JAK2: variants seen among roughly 807,000 people sequenced by gnomAD.
JAK2 encodes the protein tyrosine-protein kinase JAK2.
JAK2 carries 86 observed loss-of-function variants against 139.3 expected under a neutral mutation model. The observed-to-expected ratio is 0.62, with a 90% confidence interval of 0.52 to 0.74. The LOEUF (loss-of-function observed/expected upper bound fraction) is 0.74, where lower values mean the gene tolerates loss of function less well. Ranked by LOEUF, JAK2 falls within the 30% of genes least tolerant of loss-of-function variation. JAK2 has a pLI of 0.00. For synonymous variants in JAK2, 490 were observed against 437.7 expected, an observed-to-expected ratio of 1.12 and a Z score of -1.49; for missense variants, 1,421 against 1,360.3, an observed-to-expected ratio of 1.04 and a Z score of -0.70.
chr9:5,059,576 T>G (rs1474260597), intron 8 of JAK2, among the ~76,000 whole-genome samples: 1 of 152,162 alleles, frequency 6.6e-6, no homozygotes, highest in Non-Finnish European at 1.5e-5. Context: ...TATATATATA[T>G]CCTAGAGATA....
In JAK2 at chr9:5,055,756, G is replaced by T; in HGVS notation, c.1024G>T (p.Val342Leu). The T allele has an allele frequency of 6.2e-7, 1 of 1,610,846 alleles. No individual in the cohort carries two copies. The highest frequency in any genetic ancestry group is 1.1e-5 in the South Asian group (1 of 90,864). Residue 342 changes from valine (V) to leucine (L), a missense_variant, in exon 8 of 25, where the codon GTA (valine) becomes TTA (leucine). Coordinates refer to ENST00000381652, the MANE Select transcript of JAK2 (RefSeq NM_004972.4). ...NQEGSNESRV[V>L]TIHKQDGKNL... ...AGAGGGTTCAAATGAAAGCCGAGTT[G>T]TAACTATCCATAAGCAAGATGGTAA...
chr9:5,041,374 G>A (rs977304679), intron 4 of JAK2: 7 of 626,346 alleles, frequency 1.1e-5, no homozygotes, highest in Middle Eastern at 5.7e-4. Flanking sequence ...ACATGCACCT[G>A]GGCAAGGAGC....
At chr9:5,123,216 A>C (rs972759720) in intron 23 of JAK2, 95 bp downstream of exon 23, 8 of 730,996 alleles carry the variant, frequency 1.1e-5, no homozygotes, top group African/African-American at 1.8e-5. Flanking sequence ...ACATGCATAC[A>C]TTGCATAGTG....
chr9:5,072,342 T>A, intron 12 of JAK2, 150 bp from the exon 13 acceptor site: 1 of 497,432 alleles, frequency 2.0e-6, no homozygotes, highest in Non-Finnish European at 3.6e-6. Flanking sequence ...AATAAAAGCA[T>A]TAATTTGGAG....
intron 22 of JAK2, chr9:5,098,196 C>A (rs889345061): frequency 2.0e-5 from 3 of 152,090 alleles, no homozygotes; most frequent in African/African-American, 7.2e-5. Flanking sequence ...TACATTAAAC[C>A]CTTAAATGAA....
rs534134629 is a variant in JAK2, at chr9:5,118,795, ATC to A, written c.3060-4207_3060-4206del. Among the ~76,000 whole-genome samples, 186 of 152,280 alleles carry A rather than the reference ATC, an allele frequency of 1.2e-3. 1 individual carries two copies. The highest frequency in any genetic ancestry group is 2.0e-3 in the Non-Finnish European group (136 of 67,990). ...GTACAGTAATATACCATTAAAAATT[ATC>A]TGTTATTGGGCAGTTTCATTTGATC... On this transcript the variant is annotated intron_variant, in intron 22 of 24. Transcript: ENST00000381652.
chr9:5,055,412 T>A (rs1264300271), intron 7 of JAK2, among the ~76,000 whole-genome samples: 3 of 152,028 alleles, frequency 2.0e-5, no homozygotes, highest in Non-Finnish European at 2.9e-5. Flanking sequence ...TTTCTACTAA[T>A]GTTAATTGAA....
At chr9:5,035,890 G>T (rs1586675698) in intron 4 of JAK2, among the ~76,000 whole-genome samples, 1 of 152,212 alleles carries the variant, frequency 6.6e-6, no homozygotes, top group Non-Finnish European at 1.5e-5. Flanking sequence ...GGGCAGTCAG[G>T]CTGGAGAAGG....
intron 19 of JAK2, chr9:5,084,901 T>G (rs1050157052): frequency 4.4e-6 from 2 of 451,282 alleles, no homozygotes; most frequent in African/African-American, 2.0e-5. Flanking sequence ...TTTAAAATGA[T>G]TTTTGGTTAT....
At chr9:5,081,442 C>T (rs1054257166) in intron 18 of JAK2, among the ~76,000 whole-genome samples, 1 of 152,118 alleles carries the variant, frequency 6.6e-6, no homozygotes, top group South Asian at 2.1e-4. Context: ...GTACTACTCA[C>T]CTTTCTCACA....
At chr9:5,115,310 A>G (rs1157766362) in intron 22 of JAK2, among the ~76,000 whole-genome samples, 5 of 152,212 alleles carry the variant, frequency 3.3e-5, no homozygotes, top group Non-Finnish European at 1.5e-5. Flanking sequence ...ATATGAAAAA[A>G]AGCTCATCAT....
chr9:4,988,344 T>C (rs1327751106), intron 2 of JAK2, among the ~76,000 whole-genome samples: 1 of 152,224 alleles, frequency 6.6e-6, no homozygotes, highest in Admixed American at 6.5e-5. Context: ...GTTGCTCCGA[T>C]AAAAAGCAAC....
rs776347825 is a variant in JAK2 at position 5,078,361 on chromosome 9, GAGA to G, written c.2055_2057del (p.Glu685del). 3 of 1,612,736 alleles carry G rather than the reference GAGA, an allele frequency of 1.9e-6. No individual in the cohort carries two copies. The highest frequency in any genetic ancestry group is 2.5e-6 in the Non-Finnish European group (3 of 1,178,992). Reference sequence around the variant, plus strand: ...TGTGCCAAAAATATTCTGCTTATCAGAGAAGAAGACAGGAAGACAGGAAATCCT... The same window carrying G: ...TGTGCCAAAAATATTCTGCTTATCAGAGAAGACAGGAAGACAGGAAATCCT... On this transcript the variant is annotated inframe_deletion, in exon 16 of 25. Coordinates refer to ENST00000381652, the MANE Select transcript of JAK2 (RefSeq NM_004972.4).
chr9:5,101,798 C>A (rs1423228951), intron 22 of JAK2, among the ~76,000 whole-genome samples: 3 of 152,184 alleles, frequency 2.0e-5, no homozygotes, highest in Non-Finnish European at 4.4e-5. Context: ...AAGAGACCTG[C>A]AGCTGAGGGA....
Position 5,080,205 on chromosome 9 carries a change from T to C in JAK2, c.2132-24T>C, listed in dbSNP as rs543666975. 16 of 1,571,918 alleles carry C rather than the reference T, an allele frequency of 1.0e-5. No individual in the cohort carries two copies. The East Asian group carries it at 2.9e-4, about 29-fold the overall frequency. ...GGTTTACTTGTGAATTATTTAACCC[T>C]ACTCTGTTCGTATCATTTAAAAGTT... On this transcript the variant is annotated intron_variant, in intron 16 of 24. Coordinates refer to ENST00000381652, the MANE Select transcript of JAK2 (RefSeq NM_004972.4).
chr9:5,100,482 A>C (rs1046152261), intron 22 of JAK2: 1 of 152,250 alleles, frequency 6.6e-6, no homozygotes, highest in Non-Finnish European at 1.5e-5. Context: ...CCAATATGGA[A>C]TAATTCTATT....
chr9:5,084,918 A>G (rs1209251118), intron 19 of JAK2: 2 of 527,868 alleles, frequency 3.8e-6, no homozygotes, highest in African/African-American at 1.9e-5. Flanking sequence ...TTATCTGCAC[A>G]TGAAGCAAAC....
intron 2 of JAK2, among the ~76,000 whole-genome samples, chr9:5,009,978 G>A (rs1414945795): frequency 1.3e-5 from 2 of 152,122 alleles, no homozygotes; most frequent in Non-Finnish European, 2.9e-5. Flanking sequence ...TCGCAATGTT[G>A]CCGGGGCTAG....
chr9:5,122,961 A>T, intron 22 of JAK2, 43 bp from the exon 23 acceptor site: 2 of 1,266,368 alleles, frequency 1.6e-6, no homozygotes, highest in African/African-American at 1.5e-5. Flanking sequence ...AAGAGTCCAC[A>T]TATCAAGTAA....
Sources: allele counts gnomAD v4.1 joint callset (sites outside exome capture counted in the v4.1 genomes callset), GRCh38; gene constraint gnomAD v4.1.1; transcripts MANE v1.5; gene names NCBI Gene and HGNC (gene_info 2026-07-23, HGNC 2026-07-21).